Variants in HYDIN observed in about 807,000 individuals in gnomAD.
HYDIN encodes HYDIN axonemal central pair apparatus protein, also known as axonemal central pair apparatus protein HYDIN.
A neutral mutation model predicts 403.9 loss-of-function variants in HYDIN; 132 were observed. That is an observed-to-expected ratio of 0.33 (90% CI 0.28 to 0.38). HYDIN has a LOEUF of 0.38. Ranked by LOEUF, HYDIN falls within the 10% of genes least tolerant of loss-of-function variation. HYDIN has a pLI of 1.00. For missense variants in HYDIN, 2,827 were observed against 5,009.5 expected, an observed-to-expected ratio of 0.56 and a Z score of 13.15; for synonymous variants, 1,202 against 1,891.7, an observed-to-expected ratio of 0.64 and a Z score of 9.46.
At chr16:70,972,165 T>C (rs1389984701) in intron 35 of HYDIN, among the ~76,000 whole-genome samples, 1 of 139,372 alleles carries the variant, frequency 7.2e-6, no homozygotes, top group East Asian at 2.2e-4. Flanking sequence ...ATTACTAATT[T>C]TCTTTTAAAT....
chr16:70,834,334 T>C (rs16943447), intron 78 of HYDIN, among the ~76,000 whole-genome samples, 170 bp from the exon 79 acceptor site: 5,784 of 150,920 alleles, frequency 0.038, 356 homozygotes, highest in African/African-American at 0.13. Context: ...ACTTACTCTA[T>C]GTTGAAGATT....
At chr16:71,213,799 C>A (rs1421916286) in intron 1 of HYDIN, among the ~76,000 whole-genome samples, 1 of 152,000 alleles carries the variant, frequency 6.6e-6, no homozygotes, top group Admixed American at 6.5e-5. Flanking sequence ...TAATGCATAT[C>A]TACAATGTAT....
chr16:71,217,621 G>C (rs772007328), intron 1 of HYDIN, among the ~76,000 whole-genome samples: 7 of 152,144 alleles, frequency 4.6e-5, no homozygotes, highest in Non-Finnish European at 1.0e-4. Context: ...CTATGGAGCC[G>C]AGCATAATTA....
At chr16:71,196,394 C>T (rs2087699149) in intron 1 of HYDIN, among the ~76,000 whole-genome samples, 1 of 152,144 alleles carries the variant, frequency 6.6e-6, no homozygotes, top group Non-Finnish European at 1.5e-5. Context: ...AGGATTTACC[C>T]TCCCTGCCTG....
At chr16:71,205,592 C>T (rs571498813) in intron 1 of HYDIN, among the ~76,000 whole-genome samples, 5 of 152,314 alleles carry the variant, frequency 3.3e-5, no homozygotes, top group South Asian at 2.1e-4. Flanking sequence ...GTTGTAGTTC[C>T]GAGGAGCACC....
At chr16:71,164,762 TGCTGAGGG>T (rs2086145904) in intron 5 of HYDIN, among the ~76,000 whole-genome samples, 1 of 111,138 alleles carries the variant, frequency 9.0e-6, no homozygotes, top group Non-Finnish European at 1.8e-5. Flanking sequence ...TAAAGATTTC[TGCTGAGGG>T]CCAGGAATGG....
chr16:71,064,093 C>A (rs2082179179), intron 16 of HYDIN, among the ~76,000 whole-genome samples: 1 of 128,172 alleles, frequency 7.8e-6, no homozygotes, highest in African/African-American at 2.7e-5. Flanking sequence ...AGTTTTATAC[C>A]CAAATGCATT....
At chr16:70,912,085 T>C (rs2076711846) in intron 47 of HYDIN, among the ~76,000 whole-genome samples, 1 of 151,362 alleles carries the variant, frequency 6.6e-6, no homozygotes, top group Non-Finnish European at 1.5e-5. Context: ...CTTTGCTGAT[T>C]TGGATACCCT....
chr16:71,043,456 T>C (rs1036820192), intron 18 of HYDIN, among the ~76,000 whole-genome samples: 2 of 138,192 alleles, frequency 1.4e-5, no homozygotes, highest in African/African-American at 2.6e-5. Flanking sequence ...CATTTTCTTG[T>C]CTTTCTCCTA....
At chr16:71,002,749 C>T (rs937784969) in intron 23 of HYDIN, among the ~76,000 whole-genome samples, 2 of 150,102 alleles carry the variant, frequency 1.3e-5, no homozygotes, top group Non-Finnish European at 3.0e-5. Context: ...ACAATCTCGG[C>T]TCACTGCAAC....
intron 10 of HYDIN, among the ~76,000 whole-genome samples, chr16:71,102,432 A>G (rs1165148041): frequency 1.3e-5 from 2 of 152,116 alleles, no homozygotes; most frequent in South Asian, 2.1e-4. Flanking sequence ...TGTTTATTAT[A>G]TGGGTATTTC....
Position 71,064,677 on chromosome 16 carries a change from A to G in HYDIN, c.2211+28T>C, listed in dbSNP as rs1326092239. 2.5e-6 allele frequency: 4 copies of G among 1,585,780 alleles called. No individual in the cohort carries two copies. The African/African-American group carries it at 5.4e-5, about 21-fold the overall frequency. On this transcript the variant is annotated intron_variant, in intron 16 of 85. Transcript: ENST00000393567. ...AAGGGAACTCAATGGAAGAATAATT[A>G]ATACTGAAGAAGGAGAAAGGAACTC...
chr16:70,997,071 T>C (rs962584649), intron 23 of HYDIN, among the ~76,000 whole-genome samples: 2 of 151,548 alleles, frequency 1.3e-5, no homozygotes, highest in African/African-American at 4.9e-5. Flanking sequence ...CATTAGATCC[T>C]CATAAGGAGC....
intron 60 of HYDIN, among the ~76,000 whole-genome samples, chr16:70,880,251 G>A (rs1455857619): frequency 7.2e-6 from 1 of 138,876 alleles, no homozygotes. Context: ...TACATATGGG[G>A]TTTCATCATG....
At chr16:71,221,526 AGC>A (rs1311668737) in intron 1 of HYDIN, among the ~76,000 whole-genome samples, 13 of 152,154 alleles carry the variant, frequency 8.5e-5, no homozygotes, top group Non-Finnish European at 1.9e-4. Flanking sequence ...GACAATAAGC[AGC>A]TCTTGGTCAA....
At chr16:70,989,609 G>A (rs910942823) in intron 25 of HYDIN, among the ~76,000 whole-genome samples, 14 of 152,048 alleles carry the variant, frequency 9.2e-5, no homozygotes, top group Non-Finnish European at 1.9e-4. Context: ...CTTCCCATAT[G>A]ACTGAATATT....
At chr16:70,936,917 C>G (rs1209322904) in intron 44 of HYDIN, among the ~76,000 whole-genome samples, 1 of 151,610 alleles carries the variant, frequency 6.6e-6, no homozygotes, top group African/African-American at 2.4e-5. Flanking sequence ...CCTCCTCCAC[C>G]CTCTCTTTCC....
intron 75 of HYDIN, among the ~76,000 whole-genome samples, chr16:70,840,834 G>A (rs905383803): frequency 2.0e-5 from 3 of 151,690 alleles, no homozygotes; most frequent in Admixed American, 1.3e-4. Flanking sequence ...AAGGATGAAA[G>A]AGTGGAAAGA....
chr16:71,139,482 T>C (rs1459661764), intron 7 of HYDIN, among the ~76,000 whole-genome samples: 1 of 152,014 alleles, frequency 6.6e-6, no homozygotes, highest in Non-Finnish European at 1.5e-5. Context: ...ATACATACTA[T>C]GTTTAAAGAA....
Sources: allele counts gnomAD v4.1 joint callset (sites outside exome capture counted in the v4.1 genomes callset), GRCh38; gene constraint gnomAD v4.1.1; transcripts MANE v1.5; gene names NCBI Gene and HGNC (gene_info 2026-07-23, HGNC 2026-07-21).